The following DENND4C variants were observed in gnomAD, a reference collection of about 807,000 sequenced individuals.
DENND4C encodes DENN domain containing 4C.
In DENND4C, 108 loss-of-function variants were observed where a neutral mutation model predicts 203.0. The ratio of observed to expected loss-of-function variants is 0.53; its 90% CI spans 0.46 to 0.62. The LOEUF is 0.62. Ranked by LOEUF, DENND4C falls within the 20% of genes least tolerant of loss-of-function variation. The pLI is 0.00. For missense variants in DENND4C, 2,481 were observed against 2,301.2 expected, an observed-to-expected ratio of 1.08 and a Z score of -1.60; for synonymous variants, 871 against 792.4, an observed-to-expected ratio of 1.10 and a Z score of -1.67.
chr9:19,266,035 T>A (rs536302659), intron 1 of DENND4C, among the ~76,000 whole-genome samples: 36 of 152,336 alleles, frequency 2.4e-4, no homozygotes, highest in African/African-American at 6.7e-4. Context: ...CGCCACACTG[T>A]CTTCCACAAT....
At chr9:19,307,822 G>C (rs1839996820) in intron 10 of DENND4C, among the ~76,000 whole-genome samples, 3 of 150,410 alleles carry the variant, frequency 2.0e-5, no homozygotes. Context: ...TCCCTAGATA[G>C]TCCTCCACAA....
chr9:19,261,130 A>G (rs530627169), intron 1 of DENND4C, among the ~76,000 whole-genome samples: 1 of 151,986 alleles, frequency 6.6e-6, no homozygotes, highest in South Asian at 2.1e-4. Flanking sequence ...CCTTTCCTCA[A>G]TGTCTGTTCC....
intron 20 of DENND4C, among the ~76,000 whole-genome samples, chr9:19,339,829 G>A (rs968952274): frequency 6.6e-6 from 1 of 152,084 alleles, no homozygotes; most frequent in Non-Finnish European, 1.5e-5. Flanking sequence ...AGATGATATT[G>A]TAGTATATAG....
chr9:19,345,274 G>A (rs1473693592), intron 22 of DENND4C, among the ~76,000 whole-genome samples: 1 of 152,186 alleles, frequency 6.6e-6, no homozygotes, highest in Non-Finnish European at 1.5e-5. Context: ...TTCTCTACCT[G>A]ATCAAATAAG....
chr9:19,323,402 C>G (rs1173236909), intron 12 of DENND4C, among the ~76,000 whole-genome samples: 2 of 151,026 alleles, frequency 1.3e-5, no homozygotes, highest in African/African-American at 4.9e-5. Context: ...TGCACTCCAG[C>G]CTGGGCGACA....
At position 19,235,796 on chromosome 9, in the gene DENND4C, G is replaced by C. The variant is rs1474535983; in HGVS notation, c.-18+4963G>C. ...TGGCTGATTTTTCGTATTTTTAGTA[G>C]AGATGGGGTTTCACCGTGGTCTCGA... On this transcript the variant is annotated intron_variant, in intron 1 of 32. Coordinates refer to ENST00000434457, the MANE Select transcript of DENND4C (RefSeq NM_001330640.2). Among the ~76,000 whole-genome samples, 3 of 151,892 alleles carry C rather than the reference G, an allele frequency of 2.0e-5. No individual in the cohort carries two copies. In the East Asian group the frequency reaches 5.8e-4, roughly 29 times the overall value.
chr9:19,298,728 T>TA (rs1270965020), intron 7 of DENND4C, among the ~76,000 whole-genome samples: 2 of 152,292 alleles, frequency 1.3e-5, no homozygotes, highest in East Asian at 3.9e-4. Flanking sequence ...ACAATTAACT[T>TA]ACTGACATAC....
In DENND4C at chr9:19,316,441, C is replaced by G. The variant is rs766875756; in HGVS notation, c.1512C>G (p.Asn504Lys). 1.9e-6 allele frequency: 3 copies of G among 1,613,638 alleles called. No homozygotes were observed. The Admixed American group carries it at 5.0e-5, about 27-fold the overall frequency. The change falls in exon 11 of 33, where the codon AAC (asparagine) becomes AAG (lysine). Residue 504 changes from asparagine (N) to lysine (K), a missense_variant. This residue lies in a region of DENND4C where 2,289 missense variants were observed against 2,113.3 expected (regional missense o/e 1.08). Coordinates refer to ENST00000434457, the MANE Select transcript of DENND4C (RefSeq NM_001330640.2). Reference sequence around the variant, plus strand: ...GATCAGATGAAAAGAAGAACATGAACTGGAAGCAACTTCCCAAAAAGCCGT... The same window carrying G: ...GATCAGATGAAAAGAAGAACATGAAGTGGAAGCAACTTCCCAAAAAGCCGT... ...LYVSDEKKNMNWKQLPKKPCK... is the reference protein window; with the variant it reads ...LYVSDEKKNMKWKQLPKKPCK...
intron 6 of DENND4C, 58 bp downstream of exon 6, chr9:19,296,304 T>C (rs1237220327): frequency 8.6e-7 from 1 of 1,160,320 alleles, no homozygotes; most frequent in Non-Finnish European, 1.2e-6. Context: ...AATATATACA[T>C]TTGTTTGTGT....
In DENND4C at chr9:19,241,564, G is replaced by C. The variant is rs148077642; in HGVS notation, c.-18+10731G>C. On this transcript the variant is annotated intron_variant, in intron 1 of 32. Coordinates refer to ENST00000434457, the MANE Select transcript of DENND4C (RefSeq NM_001330640.2). ...TTTTGTCGGAAATGAAAACATAAGC[G>C]CACACATTAGTCTAGGGCCCACACA... 1.4e-3 allele frequency among the ~76,000 whole-genome samples: 209 copies of C among 149,870 alleles called. 3 individuals are homozygous for C. The highest frequency in any genetic ancestry group is 6.9e-3 in the Middle Eastern group (2 of 288).
intron 10 of DENND4C, among the ~76,000 whole-genome samples, chr9:19,314,840 G>T (rs896321881): frequency 1.3e-5 from 2 of 152,020 alleles, no homozygotes; most frequent in Non-Finnish European, 2.9e-5. Flanking sequence ...CTTAGGTAAA[G>T]GGCTTACAAC....
chr9:19,304,037 C>G (rs10811166), intron 9 of DENND4C, among the ~76,000 whole-genome samples: 33,888 of 145,408 alleles, frequency 0.23, 4,761 homozygotes, highest in Non-Finnish European at 0.33. Context: ...AACATCAAAA[C>G]CTGTCTTTTT....
chr9:19,276,402 C>A lies in DENND4C; in HGVS notation c.228C>A (p.Asn76Lys). The change falls in exon 2 of 33, where the codon AAC becomes AAA. Residue 76 changes from asparagine to lysine, a missense_variant. Physicochemically the swap from Asn to Lys is moderately conservative, Grantham distance 94. Transcript: ENST00000434457. ...ATPSALQANL[N>K]YGSLKSPELF... is the part of the protein sequence containing the mutation. The stretch of plus-strand genomic sequence containing the variant: ...CATCAGCTCTCCAAGCAAACTTGAA[C>A]TATGGAAGTCTGAAAAGCCCAGAAC... 8.1e-7 allele frequency: 1 copy of A among 1,232,076 alleles called. No homozygotes were observed. The allele number at this position is 1,232,076 out of a possible 1,614,324, so 76.3% of individuals were successfully genotyped here.
At chr9:19,269,796 A>G (rs974895886) in intron 1 of DENND4C, among the ~76,000 whole-genome samples, 1 of 152,066 alleles carries the variant, frequency 6.6e-6, no homozygotes, top group Admixed American at 6.6e-5. Context: ...GTTTTCCTGT[A>G]TGGTCTTGAT....
In DENND4C at chr9:19,356,985, C is replaced by T; in HGVS notation, c.4795C>T (p.Pro1599Ser). Residue 1599 changes from proline (P) to serine (S), a missense_variant, in exon 27 of 33, where the codon CCA becomes TCA. Physicochemically the swap from Pro to Ser is moderately conservative, Grantham distance 74 (BLOSUM62 -1). Coordinates refer to ENST00000434457, the MANE Select transcript of DENND4C (RefSeq NM_001330640.2). Reference protein sequence around the residue: ...LRGSASFFLKPSTSGDSLQSG... With the variant: ...LRGSASFFLKSSTSGDSLQSG... ...TTCCTTATGTAGCTTTTTCCTGAAACCAAGTACCTCTGGTGACAGTTTACA... is the reference window on the plus strand; with the variant it reads ...TTCCTTATGTAGCTTTTTCCTGAAATCAAGTACCTCTGGTGACAGTTTACA... The T allele has an allele frequency of 6.2e-7, 1 of 1,613,402 alleles. No individual in the cohort carries two copies. Among genetic ancestry groups the T allele is most frequent in the Non-Finnish European group, 8.5e-7 (1 of 1,179,654 alleles).
At chr9:19,367,183 AAAT>A (rs1473520675) in intron 30 of DENND4C, among the ~76,000 whole-genome samples, 3 of 152,228 alleles carry the variant, frequency 2.0e-5, no homozygotes, top group Admixed American at 6.5e-5. Context: ...TAATAAAAAA[AAAT>A]AATAACGAGT....
chr9:19,254,105 T>C (rs538221320), intron 1 of DENND4C, among the ~76,000 whole-genome samples: 1 of 152,360 alleles, frequency 6.6e-6, no homozygotes, highest in Non-Finnish European at 1.5e-5. Flanking sequence ...AATATGGGTA[T>C]GGCGAAAGAG....
At chr9:19,244,812 C>G (rs972221058) in intron 1 of DENND4C, among the ~76,000 whole-genome samples, 1 of 151,808 alleles carries the variant, frequency 6.6e-6, no homozygotes, top group African/African-American at 2.4e-5. Context: ...ACCTGGGACT[C>G]TTAATTCAGT....
Position 19,290,698 on chromosome 9 carries a change from C to A in DENND4C, c.629-6C>A. 1.4e-6 allele frequency: 2 copies of A among 1,411,744 alleles called. No individual in the cohort carries two copies. The highest frequency in any genetic ancestry group is 1.8e-5 in the South Asian group (1 of 56,302). 87.5% of individuals were successfully genotyped at this position (1,411,744 alleles called of 1,614,324 possible). Reference sequence around the variant, plus strand: ...AAAAATTTATTGTTGTCTCATTCTTCAAAAGGTTTAATTTTTAGATATCCA... The same window carrying A: ...AAAAATTTATTGTTGTCTCATTCTTAAAAAGGTTTAATTTTTAGATATCCA... On this transcript the variant is annotated splice_region_variant and splice_polypyrimidine_tract_variant and intron_variant, in intron 4 of 32. Transcript: ENST00000434457.
Sources: gnomAD v4.1 joint callset for allele counts (sites outside exome capture counted in the v4.1 genomes callset) on GRCh38, gnomAD v4.1.1 for gene constraint, gnomAD v4.1.1 regional missense constraint, MANE v1.5 for transcripts, NCBI Gene and HGNC (gene_info 2026-07-23, HGNC 2026-07-21) for gene names.